PPEF1: variants seen among roughly 807,000 people sequenced by gnomAD.
The protein encoded by PPEF1 is protein phosphatase with EF-hand domain 1, also known as serine/threonine-protein phosphatase with EF-hands 1.
PPEF1 carries 12 observed loss-of-function variants against 53.3 expected under a neutral mutation model. The ratio of observed to expected loss-of-function variants is 0.23; its 90% CI spans 0.14 to 0.36. The LOEUF (loss-of-function observed/expected upper bound fraction) is 0.36. PPEF1 is among the 10% of genes least tolerant of loss of function. The pLI is 1.00. For missense variants in PPEF1, 334 were observed against 490.4 expected (o/e 0.68, Z 3.01); for synonymous variants, 165 against 176.7 (o/e 0.93, Z 0.52).
chrX:18,818,156 T>G lies in PPEF1; in HGVS notation c.1501+11T>G. The G allele has an allele frequency of 9.0e-7, 1 of 1,116,012 alleles. No homozygotes were observed. The highest frequency in any genetic ancestry group is 3.0e-5 in the East Asian group (1 of 33,217). 92.0% of individuals were successfully genotyped at this position (1,116,012 alleles called of 1,213,427 possible). ...ACCACAGAAAATCAGGTAACAAATT[T>G]GCATAACATTTACCATTTCTTAACA... On this transcript the variant is annotated intron_variant, in intron 13 of 15. Transcript: ENST00000470157.
intron 7 of PPEF1, among the ~76,000 whole-genome samples, chrX:18,781,274 G>C (rs185734184): frequency 9.0e-6 from 1 of 110,630 alleles, no homozygotes; most frequent in East Asian, 2.9e-4. Flanking sequence ...GATCAGAAAT[G>C]AAGTGTGGCC....
chrX:18,804,566 C>T (rs1293874057), intron 11 of PPEF1, among the ~76,000 whole-genome samples: 7 of 111,770 alleles, frequency 6.3e-5, no homozygotes, highest in Admixed American at 1.9e-4. Context: ...CTCGGCTTCC[C>T]AAAGTGCTGG....
At chrX:18,688,173 G>A (rs12008429) in intron 3 of PPEF1, among the ~76,000 whole-genome samples, 51,293 of 110,141 alleles carry the variant, frequency 0.47, 8,934 homozygotes, top group African/African-American at 0.53. Flanking sequence ...TTTTTAAATG[G>A]CAATATTTCA....
intron 1 of PPEF1, among the ~76,000 whole-genome samples, chrX:18,728,752 G>A (rs889197339): frequency 4.5e-5 from 5 of 111,383 alleles, no homozygotes; most frequent in African/African-American, 1.6e-4. Flanking sequence ...CTTGCGAGAC[G>A]ACCAGGTCCT....
intron 12 of PPEF1, among the ~76,000 whole-genome samples, chrX:18,810,435 G>A (rs1300337487): frequency 4.5e-5 from 5 of 110,425 alleles, no homozygotes; most frequent in Admixed American, 2.0e-4. Context: ...ATGACAGTAC[G>A]TTTAGAGTTG....
chrX:18,734,947 T>C (rs1292412581), intron 3 of PPEF1, among the ~76,000 whole-genome samples: 1 of 112,362 alleles, frequency 8.9e-6, no homozygotes, highest in Non-Finnish European at 1.9e-5. Flanking sequence ...TATCTGTTCA[T>C]ATCCTTTGCC....
chrX:18,704,918 G>A (rs954259973), upstream of PPEF1, among the ~76,000 whole-genome samples: 3 of 111,457 alleles, frequency 2.7e-5, no homozygotes, highest in Non-Finnish European at 3.8e-5. Flanking sequence ...CATATGCAAC[G>A]AAGTATGACA....
chrX:18,739,876 A>G (rs914791621), intron 3 of PPEF1, among the ~76,000 whole-genome samples: 1 of 112,215 alleles, frequency 8.9e-6, no homozygotes, highest in East Asian at 2.8e-4. Flanking sequence ...TTGCAGTTCA[A>G]TCTTGGACTG....
rs1278629241 is a variant in PPEF1, at chrX:18,711,608, GAA to G, written c.46+3785_46+3786del. On this transcript the variant is annotated intron_variant, in intron 1 of 15. Transcript: ENST00000470157. ...TCCAGTTGTCTCAGCACTGTTTGTT[GAA>G]AAGATTGTTCTTTCCCCATTGAATC... Among the ~76,000 whole-genome samples, 7 of 111,225 alleles carry G rather than the reference GAA, an allele frequency of 6.3e-5. No homozygotes were observed. In the East Asian group the frequency reaches 1.7e-3, roughly 27 times the overall value.
At chrX:18,757,207 A>G (rs189242436) in intron 4 of PPEF1, among the ~76,000 whole-genome samples, 64 of 111,910 alleles carry the variant, frequency 5.7e-4, no homozygotes, top group African/African-American at 1.9e-3. Flanking sequence ...AGGTCTAAAT[A>G]GTTTTGACCT....
chrX:18,801,933 G>A (rs1285618029), intron 10 of PPEF1, among the ~76,000 whole-genome samples: 22 of 103,979 alleles, frequency 2.1e-4, no homozygotes, highest in African/African-American at 7.5e-4. Flanking sequence ...GCAGTGAGCC[G>A]AGATCATGCC....
chrX:18,806,372 C>T (rs140334279), intron 11 of PPEF1, 31 bp from the exon 12 acceptor site: 89,750 of 1,180,918 alleles, frequency 0.076, 2,718 homozygotes, highest in Non-Finnish European at 0.087. Context: ...ACTAATGTTA[C>T]GTGAACCTGA....
At chrX:18,805,973 C>T (rs899944866) in intron 11 of PPEF1, among the ~76,000 whole-genome samples, 2 of 109,611 alleles carry the variant, frequency 1.8e-5, no homozygotes, top group South Asian at 8.0e-4. Context: ...CTTTCTGGGG[C>T]CCTGAACCCT....
At chrX:18,703,555 G>GTTCA (rs1270900782), upstream of PPEF1, among the ~76,000 whole-genome samples, 1 of 112,116 alleles carries the variant, frequency 8.9e-6, no homozygotes, top group Non-Finnish European at 1.9e-5. Flanking sequence ...TGATTCCTTT[G>GTTCA]TTCATTCATT....
intron 12 of PPEF1, among the ~76,000 whole-genome samples, chrX:18,807,672 T>C (rs1218885110): frequency 5.3e-5 from 6 of 112,365 alleles, no homozygotes; most frequent in Non-Finnish European, 1.1e-4. Flanking sequence ...CATACTTTTT[T>C]TTTTAAAGAA....
At position 18,826,778 on chromosome X, in the gene PPEF1, C is replaced by T. The variant is rs772544470; in HGVS notation, c.1751-498C>T. On this transcript the variant is annotated intron_variant, in intron 15 of 15. Coordinates refer to ENST00000470157, the MANE Select transcript of PPEF1 (RefSeq NM_001377996.1). ...ACTTATTTTCAAATTTTTAAAAACT[C>T]ATCAGATAATCCCCTAATGCAGAGA... 2.8e-5 allele frequency among the ~76,000 whole-genome samples: 3 copies of T among 108,172 alleles called. No homozygotes were observed. The South Asian group carries it at 1.2e-3, about 44-fold the overall frequency. 93.9% of individuals were successfully genotyped at this position (108,172 alleles called of 115,157 possible).
At position 18,803,749 on chromosome X, in the gene PPEF1, G is replaced by A. The variant is rs180926586; in HGVS notation, c.1066-143G>A. ...TGGGATCACAGGCATGAGCCACCAC[G>A]CCAGGCCTGAAACAATTTTCAAGGA... On this transcript the variant is annotated intron_variant, in intron 10 of 15. Coordinates refer to ENST00000470157, the MANE Select transcript of PPEF1 (RefSeq NM_001377996.1). The A allele has an allele frequency of 2.4e-3, 1,400 of 583,024 alleles. 3 individuals are homozygous for A. Among genetic ancestry groups the A allele is most frequent in the Non-Finnish European group, 3.3e-3 (1,292 of 390,310 alleles). 48.0% of individuals were successfully genotyped at this position (583,024 alleles called of 1,213,427 possible). A position where few individuals can be genotyped will look rare whatever the true frequency, so the allele number is the denominator to read the frequency against.
In PPEF1 at chrX:18,780,531, G is replaced by A. The variant is rs186253305; in HGVS notation, c.725+1355G>A. Among the ~76,000 whole-genome samples, 760 of 112,269 alleles carry A rather than the reference G, an allele frequency of 6.8e-3. 2 individuals are homozygous for A. Among genetic ancestry groups the A allele is most frequent in the Non-Finnish European group, 0.012 (648 of 53,284 alleles). ...CTTCCAAGAACAACACAATGTCACC[G>A]AATAATGTCATAAAATTTGTGTTTT... On this transcript the variant is annotated intron_variant, in intron 7 of 15. Coordinates refer to ENST00000470157, the MANE Select transcript of PPEF1 (RefSeq NM_001377996.1).
At chrX:18,689,351 G>A (rs1367981396) in intron 3 of PPEF1, among the ~76,000 whole-genome samples, 5 of 106,809 alleles carry the variant, frequency 4.7e-5, no homozygotes, top group African/African-American at 1.4e-4. Context: ...GTGTGGTGGC[G>A]GGCACCTGTA....
Sources: gnomAD v4.1 joint callset for allele counts (sites outside exome capture counted in the v4.1 genomes callset) on GRCh38, gnomAD v4.1.1 for gene constraint, MANE v1.5 for transcripts, NCBI Gene and HGNC (gene_info 2026-07-23, HGNC 2026-07-21) for gene names.